Variants in ATP8B4 observed in about 807,000 individuals in gnomAD.
ATP8B4 encodes ATPase phospholipid transporting 8B4 (putative).
Under a neutral mutation model 145.6 loss-of-function variants are expected in ATP8B4, and 133 were observed. The observed-to-expected ratio is 0.91, with a 90% confidence interval of 0.79 to 1.05. ATP8B4 has a LOEUF of 1.05. Ranked by LOEUF, ATP8B4 falls within the 50% of genes least tolerant of loss-of-function variation. The probability of loss-of-function intolerance (pLI) is 0.00; values close to 1 mark genes in which losing one functional copy is unlikely to be tolerated. For synonymous variants in ATP8B4, 507 were observed against 492.9 expected (o/e 1.03, Z -0.38); for missense variants, 1,458 against 1,425.2 (o/e 1.02, Z -0.37).
chr15:50,085,572 C>A (rs1222092958), intron 2 of ATP8B4, among the ~76,000 whole-genome samples: 1 of 151,896 alleles, frequency 6.6e-6, no homozygotes, highest in Non-Finnish European at 1.5e-5. Flanking sequence ...CGGCACCTGG[C>A]ACTAGAAGTG....
At chr15:49,907,595 G>T (rs540524374) in intron 20 of ATP8B4, among the ~76,000 whole-genome samples, 6 of 152,170 alleles carry the variant, frequency 3.9e-5, no homozygotes, top group Non-Finnish European at 8.8e-5. Context: ...AGAAAGATGC[G>T]CATGGAACAG....
rs147163747 is a variant in ATP8B4 at position 50,015,539 on chromosome 15, G to C, written c.363-4622C>G. On this transcript the variant is annotated intron_variant, in intron 6 of 27. Transcript: ENST00000284509. ...ATTATGTATTACCTATATAGAAAAAGATTGGACCCTAAGGAGCTGAAAGGA... is the reference window on the plus strand; with the variant it reads ...ATTATGTATTACCTATATAGAAAAACATTGGACCCTAAGGAGCTGAAAGGA... Among the ~76,000 whole-genome samples, 1,124 of 152,226 alleles carry C rather than the reference G, an allele frequency of 7.4e-3. 19 individuals carry two copies. Among genetic ancestry groups the C allele is most frequent in the African/African-American group, 0.026 (1,087 of 41,524 alleles).
intron 24 of ATP8B4, among the ~76,000 whole-genome samples, chr15:49,877,855 T>C (rs1030283504): frequency 6.6e-6 from 1 of 152,180 alleles, no homozygotes; most frequent in African/African-American, 2.4e-5. Context: ...ATAATGATAA[T>C]AACAACAATA....
intron 1 of ATP8B4, among the ~76,000 whole-genome samples, chr15:50,163,757 G>A (rs1441407231): frequency 1.3e-5 from 2 of 152,222 alleles, no homozygotes; most frequent in Non-Finnish European, 2.9e-5. Context: ...TCAAGATGCT[G>A]TTCAGGAACC....
chr15:50,002,249 A>C (rs2047952542), intron 7 of ATP8B4, 26 bp from the exon 8 acceptor site: 1 of 1,566,144 alleles, frequency 6.4e-7, no homozygotes, highest in Admixed American at 1.7e-5. Flanking sequence ...ATAACAAAAG[A>C]ATACTTGAGA....
intron 3 of ATP8B4, among the ~76,000 whole-genome samples, chr15:50,066,720 C>T (rs2053406734): frequency 6.6e-6 from 1 of 152,144 alleles, no homozygotes; most frequent in South Asian, 2.1e-4. Context: ...AGCTTTTATA[C>T]TGTTTCTCTT....
chr15:49,943,942 G>A (rs1050528798), intron 14 of ATP8B4, among the ~76,000 whole-genome samples: 3 of 152,122 alleles, frequency 2.0e-5, no homozygotes, highest in Non-Finnish European at 2.9e-5. Flanking sequence ...ATGAACAGAT[G>A]CAAATTGTGA....
At chr15:50,014,353 C>T (rs1236747179) in intron 6 of ATP8B4, among the ~76,000 whole-genome samples, 1 of 152,124 alleles carries the variant, frequency 6.6e-6, no homozygotes, top group Non-Finnish European at 1.5e-5. Flanking sequence ...ATCCTGAGGA[C>T]TTAGAATAAT....
At chr15:50,094,019 C>T (rs941917375) in intron 2 of ATP8B4, among the ~76,000 whole-genome samples, 4 of 152,058 alleles carry the variant, frequency 2.6e-5, no homozygotes, top group African/African-American at 9.7e-5. Context: ...GAGAAATACA[C>T]AAATTCAAAA....
intron 23 of ATP8B4, among the ~76,000 whole-genome samples, chr15:49,887,039 G>C (rs528498053): frequency 1.3e-5 from 2 of 152,030 alleles, no homozygotes; most frequent in East Asian, 3.9e-4. Context: ...TGAACTCCTG[G>C]CCTCAGGTGA....
chr15:50,152,384 T>G (rs2044359520), intron 1 of ATP8B4, among the ~76,000 whole-genome samples: 1 of 152,182 alleles, frequency 6.6e-6, no homozygotes, highest in African/African-American at 2.4e-5. Flanking sequence ...CATATTAGAT[T>G]TCTAAGAGTT....
At position 49,860,414 on chromosome 15, in the gene ATP8B4, G is replaced by T. The variant is rs1437985025; in HGVS notation, c.3359C>A (p.Thr1120Asn). 1 of 1,614,008 alleles carries T rather than the reference G, an allele frequency of 6.2e-7. No homozygotes were observed. The highest frequency in any genetic ancestry group is 1.7e-5 in the Admixed American group (1 of 60,004). ...AGACCTTCTTGAGCTTGACCTGCGGGTCCGAGGCCTTCGGCTACTTGGAGG... is the reference window on the plus strand; with the variant it reads ...AGACCTTCTTGAGCTTGACCTGCGGTTCCGAGGCCTTCGGCTACTTGGAGG... Reference protein sequence around the residue: ...ARPPSSRRPRTRRSSSRRSGY... With the variant: ...ARPPSSRRPRNRRSSSRRSGY... The change falls in exon 28 of 28, where the codon ACC (threonine) becomes AAC (asparagine). Residue 1120 changes from threonine (T) to asparagine (N), a missense_variant. Coordinates refer to ENST00000284509, the MANE Select transcript of ATP8B4 (RefSeq NM_024837.4).
At chr15:49,975,733 C>T (rs558991131) in intron 12 of ATP8B4, among the ~76,000 whole-genome samples, 13 of 152,190 alleles carry the variant, frequency 8.5e-5, no homozygotes, top group African/African-American at 3.1e-4. Context: ...AATTGTCCTA[C>T]TGAAAGTTTT....
chr15:50,034,702 G>A (rs1471098465), intron 6 of ATP8B4, among the ~76,000 whole-genome samples: 2 of 152,170 alleles, frequency 1.3e-5, no homozygotes, highest in African/African-American at 4.8e-5. Context: ...GCTCTGGGCT[G>A]TAAATGGGAT....
chr15:49,969,960 G>A (rs2044941871), intron 13 of ATP8B4, among the ~76,000 whole-genome samples: 2 of 152,264 alleles, frequency 1.3e-5, no homozygotes, highest in African/African-American at 2.4e-5. Flanking sequence ...ATGTAAGGTG[G>A]TTCAACATAT....
chr15:49,952,173 G>A (rs763629779), intron 14 of ATP8B4, among the ~76,000 whole-genome samples: 2 of 152,124 alleles, frequency 1.3e-5, no homozygotes, highest in African/African-American at 4.8e-5. Flanking sequence ...TATATGCCTT[G>A]GGGTTGATCT....
At chr15:50,074,260 C>T in intron 2 of ATP8B4, 75 bp from the exon 3 acceptor site, 2 of 1,292,386 alleles carry the variant, frequency 1.5e-6, no homozygotes, top group Non-Finnish European at 2.2e-6. Context: ...AACAACAAGA[C>T]TTAGGTTGCT....
chr15:49,943,397 A>G (rs1309947786), intron 14 of ATP8B4, among the ~76,000 whole-genome samples: 1 of 144,380 alleles, frequency 6.9e-6, no homozygotes, highest in East Asian at 1.9e-4. Flanking sequence ...TAAATGAAAC[A>G]AACAAACAAA....
Position 49,888,349 on chromosome 15 carries a change from G to A in ATP8B4, c.2698-8890C>T, listed in dbSNP as rs1363517578. ...CACGTCACTTTCCAAACTTTTTGTT[G>A]CTTTATTATACTGTTTGACAGAACT... is the stretch of plus-strand genomic sequence containing the variant. On this transcript the variant is annotated intron_variant, in intron 23 of 27. Transcript: ENST00000284509. 3.9e-5 allele frequency among the ~76,000 whole-genome samples: 6 copies of A among 151,982 alleles called. No homozygotes were observed. The East Asian group carries it at 9.6e-4, about 24-fold the overall frequency.
Sources: allele counts gnomAD v4.1 joint callset (sites outside exome capture counted in the v4.1 genomes callset), GRCh38; gene constraint gnomAD v4.1.1; transcripts MANE v1.5; gene names NCBI Gene and HGNC (gene_info 2026-07-23, HGNC 2026-07-21).